The following MALRD1 variants were observed in gnomAD, a reference collection of about 807,000 sequenced individuals.
MALRD1 encodes MAM and LDL-receptor class A domain-containing protein 1.
A neutral mutation model predicts 242.1 loss-of-function variants in MALRD1; 247 were observed. The ratio of observed to expected loss-of-function variants is 1.02; its 90% CI spans 0.92 to 1.13. The LOEUF is 1.13. Among genes scored for constraint, MALRD1 ranks in the 50% most tolerant of loss-of-function variants. The probability of loss-of-function intolerance (pLI) is 0.00; values close to 1 mark genes in which losing one functional copy is unlikely to be tolerated. For synonymous variants in MALRD1, 995 were observed against 866.6 expected, an observed-to-expected ratio of 1.15 and a Z score of -2.60; for missense variants, 2,989 against 2,533.1, an observed-to-expected ratio of 1.18 and a Z score of -3.86.
At chr10:19,440,297 T>C (rs2039512573) in intron 28 of MALRD1, among the ~76,000 whole-genome samples, 1 of 152,154 alleles carries the variant, frequency 6.6e-6, no homozygotes. Context: ...AAGTTTTGCA[T>C]TTTATTTTTG....
chr10:19,474,660 T>C (rs1836647786), intron 29 of MALRD1, among the ~76,000 whole-genome samples: 1 of 151,988 alleles, frequency 6.6e-6, no homozygotes, highest in African/African-American at 2.4e-5. Context: ...AAGTAAATGA[T>C]AATATAAAGT....
chr10:19,632,883 GA>G (rs1839967710), intron 36 of MALRD1, among the ~76,000 whole-genome samples: 2 of 152,100 alleles, frequency 1.3e-5, no homozygotes, highest in Non-Finnish European at 2.9e-5. Flanking sequence ...TGATTTTTTA[GA>G]ACTTTTGTGC....
chr10:19,140,425 G>A (rs554015481), intron 10 of MALRD1, among the ~76,000 whole-genome samples: 1 of 152,182 alleles, frequency 6.6e-6, no homozygotes, highest in East Asian at 1.9e-4. Flanking sequence ...AATGAGGGCA[G>A]TTAAGATTAA....
chr10:19,350,271 C>CTTTTTTTTTT (rs202204577), intron 25 of MALRD1, among the ~76,000 whole-genome samples: 36 of 118,468 alleles, frequency 3.0e-4, no homozygotes, highest in East Asian at 4.9e-4. Context: ...TTCTTTTTTT[C>CTTTTTTTTTT]TTTTTTTTTT....
At chr10:19,276,182 G>A (rs180704739) in intron 19 of MALRD1, among the ~76,000 whole-genome samples, 8 of 152,126 alleles carry the variant, frequency 5.3e-5, no homozygotes, top group African/African-American at 1.9e-4. Flanking sequence ...ATCCTGCTTT[G>A]GTTAAAGGCA....
intron 29 of MALRD1, among the ~76,000 whole-genome samples, chr10:19,482,368 A>T (rs1363175934): frequency 1.3e-5 from 2 of 151,754 alleles, no homozygotes; most frequent in Non-Finnish European, 2.9e-5. Context: ...TTAAAAAGCT[A>T]AAAAAAAGTC....
At chr10:19,400,032 C>T (rs1404217783) in intron 28 of MALRD1, among the ~76,000 whole-genome samples, 1 of 152,124 alleles carries the variant, frequency 6.6e-6, no homozygotes, top group Non-Finnish European at 1.5e-5. Context: ...ACTGAGTTTC[C>T]AGCTCCTTCC....
chr10:19,238,530 T>C (rs796139275), intron 18 of MALRD1, among the ~76,000 whole-genome samples: 2 of 96,840 alleles, frequency 2.1e-5, no homozygotes, highest in Non-Finnish European at 3.8e-5. Flanking sequence ...ATATATAATA[T>C]ACATTATATA....
At chr10:19,128,130 G>A in intron 7 of MALRD1, 91 bp from the exon 8 acceptor site, 1 of 946,112 alleles carries the variant, frequency 1.1e-6, no homozygotes, top group Non-Finnish European at 1.4e-6. Flanking sequence ...TTTAAGTCTA[G>A]TTTTGAAAAC....
At chr10:19,121,116 T>G (rs139326671) in intron 5 of MALRD1, among the ~76,000 whole-genome samples, 1,604 of 143,248 alleles carry the variant, frequency 0.011, 31 homozygotes, top group African/African-American at 0.04. Flanking sequence ...CGATCTCGGC[T>G]CACTGCAACC....
chr10:19,410,087 T>C (rs1833211659), intron 28 of MALRD1, among the ~76,000 whole-genome samples: 1 of 152,190 alleles, frequency 6.6e-6, no homozygotes. Flanking sequence ...GCTTGCTCTG[T>C]GTCTGTTCCA....
intron 19 of MALRD1, among the ~76,000 whole-genome samples, chr10:19,260,031 G>C (rs12257405): frequency 0.45 from 68,875 of 152,000 alleles, 16,112 homozygotes; most frequent in Admixed American, 0.6. Flanking sequence ...TCAACAAATA[G>C]TTGTTGGATG....
At chr10:19,529,476 G>A (rs1228832953) in intron 31 of MALRD1, among the ~76,000 whole-genome samples, 2 of 141,662 alleles carry the variant, frequency 1.4e-5, no homozygotes, top group African/African-American at 5.3e-5. Context: ...AAATTGATAT[G>A]TTAAGAGAGG....
chr10:19,514,863 C>T (rs1833558869), intron 31 of MALRD1, among the ~76,000 whole-genome samples: 1 of 151,402 alleles, frequency 6.6e-6, no homozygotes, highest in African/African-American at 2.4e-5. Context: ...GTTGTTTTAA[C>T]ATAGAGGATC....
chr10:19,477,623 A>C (rs1836799932), intron 29 of MALRD1, among the ~76,000 whole-genome samples: 1 of 152,164 alleles, frequency 6.6e-6, no homozygotes, highest in African/African-American at 2.4e-5. Context: ...GAGGTTTAAT[A>C]GGCGAAAGAA....
intron 2 of MALRD1, among the ~76,000 whole-genome samples, chr10:19,081,966 TTTTGA>T (rs1223114322): frequency 6.6e-6 from 1 of 151,984 alleles, no homozygotes; most frequent in Non-Finnish European, 1.5e-5. Flanking sequence ...AACTTCTTAC[TTTTGA>T]TTTAAGAATT....
At chr10:19,514,597 C>G (rs1833547845) in intron 31 of MALRD1, among the ~76,000 whole-genome samples, 1 of 152,218 alleles carries the variant, frequency 6.6e-6, no homozygotes, top group South Asian at 2.1e-4. Flanking sequence ...AATGCTTACT[C>G]ATTTAACTAG....
At chr10:19,185,433 G>A (rs1835695524) in intron 14 of MALRD1, among the ~76,000 whole-genome samples, 2 of 151,854 alleles carry the variant, frequency 1.3e-5, no homozygotes, top group Admixed American at 6.6e-5. Flanking sequence ...AAAAAAACAT[G>A]TAAGTCTCTA....
chr10:19,203,289 T>C (rs1014640083), intron 14 of MALRD1, among the ~76,000 whole-genome samples: 1 of 152,164 alleles, frequency 6.6e-6, no homozygotes, highest in Non-Finnish European at 1.5e-5. Flanking sequence ...TTAAATATAG[T>C]GTATCTGGGA....
Sources: gnomAD v4.1 joint callset for allele counts (sites outside exome capture counted in the v4.1 genomes callset) on GRCh38, gnomAD v4.1.1 for gene constraint, MANE v1.5 for transcripts, NCBI Gene and HGNC (gene_info 2026-07-23, HGNC 2026-07-21) for gene names.